The following HERC4 variants were observed in gnomAD, a reference collection of about 807,000 sequenced individuals.
HERC4 encodes the protein HECT and RLD domain containing E3 ubiquitin protein ligase 4.
HERC4 carries 28 observed loss-of-function variants against 124.3 expected under a neutral mutation model. The ratio of observed to expected loss-of-function variants is 0.23; its 90% CI spans 0.17 to 0.31. HERC4 has a LOEUF of 0.31. HERC4 is among the 10% of genes least tolerant of loss of function. The pLI, the probability that HERC4 is intolerant of heterozygous loss-of-function variation, is 1.00. For synonymous variants in HERC4, 407 were observed against 421.5 expected (o/e 0.97, Z 0.42); for missense variants, 713 against 1,229.3 (o/e 0.58, Z 6.28).
chr10:67,937,600 T>A (rs2032478795), intron 21 of HERC4, among the ~76,000 whole-genome samples: 2 of 152,116 alleles, frequency 1.3e-5, no homozygotes, highest in Admixed American at 1.3e-4. Flanking sequence ...TTGTTTTTTT[T>A]AATTTTATGG....
rs779094478 is a variant in HERC4 at position 67,992,306 on chromosome 10, A to T, written c.1164T>A (p.Asp388Glu). 1.9e-6 allele frequency: 3 copies of T among 1,613,822 alleles called. No individual in the cohort carries two copies. The highest frequency in any genetic ancestry group is 2.5e-6 in the Non-Finnish European group (3 of 1,179,740). ...TTGTCGGATTGGGACATCTGAAGTC[A>T]TCTGGTGGCCCACAGTTCTAAATTT... The part of the protein sequence containing the change: ...YSSPQNCGPP[D>E]DFRCPNPTKQ... The change falls in exon 11 of 25, where the codon GAT (aspartate) becomes GAA (glutamate). Residue 388 changes from aspartate to glutamate, a missense_variant. Coordinates refer to ENST00000373700, the MANE Select transcript of HERC4 (RefSeq NM_015601.4).
intron 19 of HERC4, among the ~76,000 whole-genome samples, chr10:67,951,290 G>T (rs917651328): frequency 1.3e-5 from 2 of 152,158 alleles, no homozygotes; most frequent in Admixed American, 1.3e-4. Context: ...AAAGAGACCA[G>T]TGCCAGGAAG....
chr10:68,032,674 C>T, intron 7 of HERC4, 104 bp downstream of exon 7: 1 of 615,494 alleles, frequency 1.6e-6, no homozygotes, highest in Non-Finnish European at 2.9e-6. Flanking sequence ...TTTTGAAATA[C>T]CAATAACACT....
chr10:67,961,005 G>T, intron 16 of HERC4: 1 of 352,792 alleles, frequency 2.8e-6, no homozygotes, highest in Non-Finnish European at 5.4e-6. Context: ...ACCTGTTGGT[G>T]CTGAGAGTAA....
At position 67,990,204 on chromosome 10, in the gene HERC4, T is replaced by C. The variant is rs751944381; in HGVS notation, c.1633+7A>G. 5.1e-6 allele frequency: 8 copies of C among 1,579,636 alleles called. No individual in the cohort carries two copies. Among genetic ancestry groups the C allele is most frequent in the Non-Finnish European group, 6.9e-6 (8 of 1,166,802 alleles). Reference sequence around the variant, plus strand: ...GGTTTCAAAAGAAAAAATATTAGAATTCTTACCAAGTACTTTCAGTGGTGC... The same window carrying C: ...GGTTTCAAAAGAAAAAATATTAGAACTCTTACCAAGTACTTTCAGTGGTGC... On this transcript the variant is annotated splice_region_variant and intron_variant, in intron 14 of 24. Transcript: ENST00000373700.
rs144003109 is a variant in HERC4 at position 68,005,201 on chromosome 10, T to A, written c.1069+8825A>T. 1.9e-4 allele frequency among the ~76,000 whole-genome samples: 29 copies of A among 152,346 alleles called. No homozygotes were observed. The East Asian group carries it at 5.4e-3, about 28-fold the overall frequency. ...CTTGTTAGCTCTAACAATATCCGCT[T>A]TGTATATCTGGGTTTTCTAGTGTTG... On this transcript the variant is annotated intron_variant, in intron 9 of 24. Transcript: ENST00000373700.
intron 3 of HERC4, among the ~76,000 whole-genome samples, chr10:68,054,171 C>G (rs2040441041): frequency 6.6e-6 from 1 of 152,120 alleles, no homozygotes; most frequent in Non-Finnish European, 1.5e-5. Context: ...CTTTACAGTT[C>G]TCAAGATACC....
At chr10:67,982,555 A>G (rs7075378) in intron 15 of HERC4, among the ~76,000 whole-genome samples, 11,903 of 152,202 alleles carry the variant, frequency 0.078, 1,230 homozygotes, top group African/African-American at 0.24. Flanking sequence ...TCTCCAGGAC[A>G]TTGGTCTGGG....
intron 19 of HERC4, among the ~76,000 whole-genome samples, chr10:67,942,453 A>T (rs966435404): frequency 2.6e-5 from 4 of 152,216 alleles, no homozygotes; most frequent in Non-Finnish European, 1.5e-5. Context: ...AGAATTCATA[A>T]GTCAAAAGAC....
chr10:67,978,114 A>T (rs1231911524), intron 15 of HERC4, among the ~76,000 whole-genome samples: 2 of 152,072 alleles, frequency 1.3e-5, no homozygotes, highest in African/African-American at 4.8e-5. Flanking sequence ...CATCTCTACT[A>T]AAAATACAAA....
At chr10:68,024,018 CAAGGT>C (rs1204742970) in intron 8 of HERC4, among the ~76,000 whole-genome samples, 1 of 151,988 alleles carries the variant, frequency 6.6e-6, no homozygotes, top group Non-Finnish European at 1.5e-5. Context: ...ATGAAAATGA[CAAGGT>C]AAGGCAAAAC....
intron 15 of HERC4, among the ~76,000 whole-genome samples, chr10:67,987,828 G>A (rs2036347004): frequency 6.6e-6 from 1 of 152,080 alleles, no homozygotes; most frequent in African/African-American, 2.4e-5. Context: ...AGAACAGATG[G>A]ATTATCTCCT....
At chr10:67,927,379 CATATATATATATATATATATATAT>C (rs768914387) in intron 23 of HERC4, among the ~76,000 whole-genome samples, 18 of 88,018 alleles carry the variant, frequency 2.0e-4, no homozygotes, top group South Asian at 1.3e-3. Context: ...ATAAATACAC[CATATATATATATATATATATATAT>C]ATATATATAT....
At chr10:67,959,735 A>G (rs1397610315) in intron 16 of HERC4, among the ~76,000 whole-genome samples, 1 of 152,230 alleles carries the variant, frequency 6.6e-6, no homozygotes, top group Non-Finnish European at 1.5e-5. Context: ...AGGGTTGGTA[A>G]GCAAAAAGAA....
At chr10:68,022,858 A>G (rs2038710834) in intron 8 of HERC4, among the ~76,000 whole-genome samples, 1 of 152,174 alleles carries the variant, frequency 6.6e-6, no homozygotes, top group African/African-American at 2.4e-5. Flanking sequence ...AGATTCAAAA[A>G]TGGGAAAAAC....
intron 3 of HERC4, among the ~76,000 whole-genome samples, chr10:68,065,825 A>C (rs563389080): frequency 6.6e-6 from 1 of 152,238 alleles, no homozygotes; most frequent in East Asian, 1.9e-4. Flanking sequence ...TAACCACTGT[A>C]CTCCAGTGAC....
intron 21 of HERC4, among the ~76,000 whole-genome samples, chr10:67,939,138 A>T (rs900471855): frequency 6.6e-6 from 1 of 152,238 alleles, no homozygotes; most frequent in Non-Finnish European, 1.5e-5. Flanking sequence ...AAAGGAATGT[A>T]CCAGTGGAAA....
At chr10:67,945,894 G>A (rs1462707060) in intron 19 of HERC4, among the ~76,000 whole-genome samples, 1 of 150,826 alleles carries the variant, frequency 6.6e-6, no homozygotes, top group African/African-American at 2.4e-5. Context: ...TTCACAAAAA[G>A]GAATGGAATA....
chr10:67,944,022 C>A (rs2033130005), intron 19 of HERC4, among the ~76,000 whole-genome samples: 1 of 152,024 alleles, frequency 6.6e-6, no homozygotes, highest in African/African-American at 2.4e-5. Context: ...CTGAGGGGAA[C>A]TCTCTGCACT....
Sources: gnomAD v4.1 joint callset for allele counts (sites outside exome capture counted in the v4.1 genomes callset) on GRCh38, gnomAD v4.1.1 for gene constraint, MANE v1.5 for transcripts, NCBI Gene and HGNC (gene_info 2026-07-23, HGNC 2026-07-21) for gene names.